The following FARS2 variants were observed in gnomAD, a reference collection of about 807,000 sequenced individuals.
FARS2 encodes phenylalanyl-tRNA synthetase 2, mitochondrial.
Under a neutral mutation model 46.4 loss-of-function variants are expected in FARS2, and 40 were observed. That is an observed-to-expected ratio of 0.86 (90% CI 0.67 to 1.12). The LOEUF is 1.12. FARS2 is among the 50% of genes most tolerant of loss of function. The probability of loss-of-function intolerance (pLI) is 0.00; values close to 1 mark genes in which losing one functional copy is unlikely to be tolerated. For synonymous variants in FARS2, 234 were observed against 214.9 expected (o/e 1.09, Z -0.78); for missense variants, 513 against 567.9 (o/e 0.90, Z 0.98).
chr6:5,356,458 GTAGATAGA>G (rs796607607), intron 1 of FARS2, among the ~76,000 whole-genome samples: 31 of 152,196 alleles, frequency 2.0e-4, no homozygotes, highest in African/African-American at 7.2e-4. Flanking sequence ...CAAATGATAG[GTAGATAGA>G]TGATAGATAG....
At chr6:5,482,036 A>G (rs1766493359) in intron 4 of FARS2, among the ~76,000 whole-genome samples, 1 of 152,180 alleles carries the variant, frequency 6.6e-6, no homozygotes, top group Non-Finnish European at 1.5e-5. Flanking sequence ...ACGGAGAGGA[A>G]AGAAGCCGAG....
At chr6:5,677,225 A>G (rs900616891) in intron 6 of FARS2, among the ~76,000 whole-genome samples, 5 of 152,236 alleles carry the variant, frequency 3.3e-5, no homozygotes, top group Admixed American at 1.3e-4. Context: ...TTGGCATGGT[A>G]TAAATACTGA....
At chr6:5,444,487 AAAAAAAGAGAGAG>A (rs1382010188) in intron 4 of FARS2, among the ~76,000 whole-genome samples, 1,904 of 64,096 alleles carry the variant, frequency 0.03, 7 homozygotes, top group African/African-American at 0.035. Flanking sequence ...AAAAAAAAAA[AAAAAAAGAGAGAG>A]AGAGAGAGAG....
intron 6 of FARS2, among the ~76,000 whole-genome samples, chr6:5,770,831 T>C (rs114391578): frequency 0.035 from 5,286 of 152,294 alleles, 325 homozygotes; most frequent in African/African-American, 0.12. Context: ...CCCTCAGCCT[T>C]GCCTGGAGCC....
intron 1 of FARS2, among the ~76,000 whole-genome samples, chr6:5,283,157 A>G (rs997288732): frequency 6.6e-6 from 1 of 152,002 alleles, no homozygotes; most frequent in Non-Finnish European, 1.5e-5. Flanking sequence ...CAGATCACCT[A>G]AGGTCAGAAG....
chr6:5,550,016 G>A lies in FARS2; in HGVS notation c.1065+4676G>A, dbSNP rs187172430. Among the ~76,000 whole-genome samples the A allele has an allele frequency of 2.0e-5, 3 of 152,220 alleles. No individual in the cohort carries two copies. The East Asian group carries it at 5.8e-4, about 29-fold the overall frequency. On this transcript the variant is annotated intron_variant, in intron 5 of 6. Transcript: ENST00000274680. Reference sequence around the variant, plus strand: ...CACTCTGGGTATGATTCATCCTGGGGCAAAATTCCTCCCCACTTTTGCACC... The same window carrying A: ...CACTCTGGGTATGATTCATCCTGGGACAAAATTCCTCCCCACTTTTGCACC...
intron 5 of FARS2, among the ~76,000 whole-genome samples, chr6:5,560,600 C>T (rs944542617): frequency 1.3e-5 from 2 of 152,034 alleles, no homozygotes; most frequent in Non-Finnish European, 2.9e-5. Context: ...AGAAGTATTT[C>T]CATTTTCTAG....
At chr6:5,544,758 A>G (rs576028316) in intron 4 of FARS2, among the ~76,000 whole-genome samples, 3 of 152,326 alleles carry the variant, frequency 2.0e-5, no homozygotes, top group Admixed American at 1.3e-4. Flanking sequence ...TATGGCCACT[A>G]TGGCATGTTT....
intron 6 of FARS2, among the ~76,000 whole-genome samples, chr6:5,721,395 G>A (rs1759897100): frequency 6.6e-6 from 1 of 152,144 alleles, no homozygotes; most frequent in Non-Finnish European, 1.5e-5. Context: ...TACCAAAACC[G>A]GAAAAGTAGT....
At chr6:5,332,547 G>A (rs950248719) in intron 1 of FARS2, among the ~76,000 whole-genome samples, 2 of 152,178 alleles carry the variant, frequency 1.3e-5, no homozygotes, top group Admixed American at 1.3e-4. Context: ...GCTGATTTTG[G>A]TGATTGATAT....
At chr6:5,628,532 A>T (rs942863771) in intron 6 of FARS2, among the ~76,000 whole-genome samples, 7 of 152,226 alleles carry the variant, frequency 4.6e-5, no homozygotes, top group Non-Finnish European at 1.0e-4. Context: ...ACAGATCTGA[A>T]GATGGGCACC....
chr6:5,580,684 G>A (rs1209359904), intron 5 of FARS2, among the ~76,000 whole-genome samples: 1 of 152,142 alleles, frequency 6.6e-6, no homozygotes. Context: ...ATAGTGCTAG[G>A]CAGTGCTAGG....
chr6:5,660,089 C>T (rs1777782397), intron 6 of FARS2, among the ~76,000 whole-genome samples: 1 of 152,178 alleles, frequency 6.6e-6, no homozygotes, highest in Non-Finnish European at 1.5e-5. Flanking sequence ...AGAATGCCAT[C>T]CACCAATCTT....
At chr6:5,546,668 C>T (rs4582427) in intron 5 of FARS2, among the ~76,000 whole-genome samples, 6,902 of 151,530 alleles carry the variant, frequency 0.046, 492 homozygotes, top group African/African-American at 0.15. Context: ...TTTTAATTAA[C>T]GATTTTCTTT....
At chr6:5,254,527 C>T in the FARS2 span, among the ~76,000 whole-genome samples, 12 of 152,204 alleles carry the variant, frequency 7.9e-5, no homozygotes, top group African/African-American at 2.9e-4. Context: ...TACTTTTGCA[C>T]CAACTTGCTA....
intron 4 of FARS2, chr6:5,431,907 T>G: frequency 4.8e-6 from 1 of 208,230 alleles, no homozygotes; most frequent in Admixed American, 5.2e-5. Context: ...ACTATCTGAA[T>G]TGGGTATTTT....
chr6:5,500,953 A>T (rs1371388386), intron 4 of FARS2, among the ~76,000 whole-genome samples: 1 of 151,472 alleles, frequency 6.6e-6, no homozygotes, highest in African/African-American at 2.4e-5. Context: ...AGAGAGAGAG[A>T]GAGAGAGAGA....
chr6:5,604,382 C>G (rs559695031), intron 5 of FARS2, among the ~76,000 whole-genome samples: 10 of 152,272 alleles, frequency 6.6e-5, no homozygotes, highest in East Asian at 3.9e-4. Context: ...AGTTTCCCCC[C>G]CAGAAAGCAA....
At chr6:5,266,696 C>T (rs1765572467) in intron 1 of FARS2, among the ~76,000 whole-genome samples, 1 of 152,050 alleles carries the variant, frequency 6.6e-6, no homozygotes, top group Non-Finnish European at 1.5e-5. Flanking sequence ...AACATGGGTA[C>T]ATTTCAGTCA....
Sources: allele counts gnomAD v4.1 joint callset (sites outside exome capture counted in the v4.1 genomes callset), GRCh38; gene constraint gnomAD v4.1.1; transcripts MANE v1.5; gene names NCBI Gene and HGNC (gene_info 2026-07-23, HGNC 2026-07-21).